Variants in S100A12 observed in about 807,000 individuals in gnomAD.
S100A12 encodes the protein protein S100-A12.
Under a neutral mutation model 4.0 loss-of-function variants are expected in S100A12, and 3 were observed. That is an observed-to-expected ratio of 0.75 (90% CI 0.34 to 1.94). S100A12 has a LOEUF of 1.94. Among genes scored for constraint, S100A12 ranks in the 30% most tolerant of loss-of-function variants. The pLI, the probability that S100A12 is intolerant of heterozygous loss-of-function variation, is 0.07. For synonymous variants in S100A12, 50 were observed against 41.4 expected, an observed-to-expected ratio of 1.21 and a Z score of -0.79; for missense variants, 122 against 107.0, an observed-to-expected ratio of 1.14 and a Z score of -0.62.
At position 153,373,934 on chromosome 1, in the gene S100A12, A is replaced by C; in HGVS notation, c.172T>G (p.Phe58Val). Residue 58 changes from phenylalanine to valine, a missense_variant, in exon 3 of 3, where the codon TTC becomes GTC. Physicochemically the swap from Phe to Val is conservative, Grantham distance 50 (BLOSUM62 -1). Transcript: ENST00000368737. ...IKDKAVIDEI[F>V]QGLDANQDEQ... ...TCTTGATTAGCATCCAGGCCTTGGA[A>C]TATTTCATCAATGACAGCTTTATCT... 6.2e-7 allele frequency: 1 copy of C among 1,613,654 alleles called. No individual in the cohort carries two copies. The highest frequency in any genetic ancestry group is 1.1e-5 in the South Asian group (1 of 91,072).
At chr1:153,374,235 G>T (rs1226762250) in intron 2 of S100A12, among the ~76,000 whole-genome samples, 1 of 152,146 alleles carries the variant, frequency 6.6e-6, no homozygotes, top group Non-Finnish European at 1.5e-5. Flanking sequence ...TTACATATGA[G>T]GAAACAGACT....
Position 153,374,542 on chromosome 1 carries a change from T to C in S100A12, c.51A>G (p.Gln17=), listed in dbSNP as rs1333916494. The change falls in exon 2 of 3, where the codon CAA becomes CAG. Residue 17 remains glutamine (Q), a synonymous_variant. Coordinates refer to ENST00000368737, the MANE Select transcript of S100A12 (RefSeq NM_005621.2). ...CAAAATGCCCCTTCCGAACTGAGTA[T>C]TGGTGGAAGATATTGACAATTCCCT... ...HLEGIVNIFH[Q]YSVRKGHFDT... 5 of 1,613,750 alleles carry C rather than the reference T, an allele frequency of 3.1e-6. No homozygotes were observed. Among genetic ancestry groups the C allele is most frequent in the Non-Finnish European group, 4.2e-6 (5 of 1,179,616 alleles).
At chr1:153,375,435 GA>G (rs1661713264) in intron 1 of S100A12, 116 bp downstream of exon 1, 2 of 152,378 alleles carry the variant, frequency 1.3e-5, no homozygotes, top group South Asian at 4.1e-4. Flanking sequence ...TATCACCCCA[GA>G]GGTGCTCAGG....
At position 153,374,702 on chromosome 1, in the gene S100A12, G is replaced by GA. The variant is rs1017861716; in HGVS notation, c.-20-91dup. On this transcript the variant is annotated intron_variant, in intron 1 of 2. Coordinates refer to ENST00000368737, the MANE Select transcript of S100A12 (RefSeq NM_005621.2). ...TCTCTTTCTGAATCAAGGGCCTAAA[G>GA]AAAACATAACATCCTCCATATCTAT... The GA allele has an allele frequency of 2.6e-5, 22 of 843,514 alleles. No homozygotes were observed. In the African/African-American group the frequency reaches 3.1e-4, roughly 12 times the overall value. The allele number at this position is 843,514 out of a possible 1,614,324, so 52.3% of individuals were successfully genotyped here.
At chr1:153,374,858 A>G (rs1661692039) in intron 1 of S100A12, among the ~76,000 whole-genome samples, 1 of 152,062 alleles carries the variant, frequency 6.6e-6, no homozygotes, top group African/African-American at 2.4e-5. Context: ...ATACCACCTC[A>G]TCCACCGGGG....
At chr1:153,374,022 T>C (rs929631267) in intron 2 of S100A12, 55 bp from the exon 3 acceptor site, 15 of 1,549,730 alleles carry the variant, frequency 9.7e-6, no homozygotes, top group Admixed American at 1.7e-5. Context: ...ACAAGACCCT[T>C]TCTTAGGCCT....
intron 1 of S100A12, 58 bp from the exon 2 acceptor site, chr1:153,374,670 T>C: frequency 8.8e-7 from 1 of 1,132,920 alleles, no homozygotes; most frequent in South Asian, 1.4e-5. Context: ...CAACCTCCAC[T>C]CTCCCCTCTC....
In S100A12 at chr1:153,374,049, C is replaced by A. The variant is rs2233864; in HGVS notation, c.139-82G>T. The A allele has an allele frequency of 2.9e-6, 4 of 1,377,426 alleles. No homozygotes were observed. The Admixed American group carries it at 5.0e-5, about 17-fold the overall frequency. 85.3% of individuals were successfully genotyped at this position (1,377,426 alleles called of 1,614,324 possible). A position where few individuals can be genotyped will look rare whatever the true frequency, so the allele number is the denominator to read the frequency against. On this transcript the variant is annotated intron_variant, in intron 2 of 2. Coordinates refer to ENST00000368737, the MANE Select transcript of S100A12 (RefSeq NM_005621.2). ...CTTAGGCCTCTTATCCCTCAGAGCT[C>A]GGGTTGTGAAGGCCCAGGCACATTA...
rs201246728 is a variant in S100A12 at position 153,374,405 on chromosome 1, C to T, written c.138+50G>A. ...ATCCTCTGCCAGGCCTTGCCACTCC[C>T]CTCAGTGCAGGGTCATGGGCAAGTT... On this transcript the variant is annotated intron_variant, in intron 2 of 2. Coordinates refer to ENST00000368737, the MANE Select transcript of S100A12 (RefSeq NM_005621.2). 9.4e-4 allele frequency: 1,477 copies of T among 1,571,560 alleles called. 2 individuals carry two copies. Among genetic ancestry groups the T allele is most frequent in the Non-Finnish European group, 1.2e-3 (1,333 of 1,157,242 alleles).
chr1:153,373,779 A>G lies in S100A12; in HGVS notation c.*48T>C, dbSNP rs1366903232. The G allele has an allele frequency of 5.2e-6, 8 of 1,539,978 alleles. No individual in the cohort carries two copies. Among genetic ancestry groups the G allele is most frequent in the Non-Finnish European group, 7.2e-6 (8 of 1,116,204 alleles). On this transcript the variant is annotated 3_prime_UTR_variant, in exon 3 of 3. Transcript: ENST00000368737. ...GCTGGGTTTTGGTGAGGGAAAGAAA[A>G]GACCCTCATTGAGGACATTGCTGGG... is the stretch of plus-strand genomic sequence containing the variant.
Position 153,373,734 on chromosome 1 carries a change from T to C in S100A12, c.*93A>G. The C allele has an allele frequency of 1.8e-6, 2 of 1,086,110 alleles. No homozygotes were observed. The highest frequency in any genetic ancestry group is 2.8e-6 in the Non-Finnish European group (2 of 721,906). 67.3% of individuals were successfully genotyped at this position (1,086,110 alleles called of 1,614,324 possible). ...ACTTTTCGTGAGTGTGTTTATTAAC[T>C]CTTACTCCCCACGGGCAAGGCTGGG... On this transcript the variant is annotated 3_prime_UTR_variant, in exon 3 of 3. Coordinates refer to ENST00000368737, the MANE Select transcript of S100A12 (RefSeq NM_005621.2).
chr1:153,374,240 C>T (rs576820745), intron 2 of S100A12, among the ~76,000 whole-genome samples: 1 of 152,180 alleles, frequency 6.6e-6, no homozygotes, highest in Non-Finnish European at 1.5e-5. Flanking sequence ...TATGAGGAAA[C>T]AGACTCAGAG....
At position 153,373,944 on chromosome 1, in the gene S100A12, A is replaced by G. The variant is rs1415512622; in HGVS notation, c.162T>C (p.Ile54=). The change falls in exon 3 of 3, where the codon ATT becomes ATC. Residue 54 remains isoleucine (I), a synonymous_variant. Transcript: ENST00000368737. ...TIKNIKDKAV[I]DEIFQGLDAN... ...CATCCAGGCCTTGGAATATTTCATCAATGACAGCTTTATCTTTGATATTCT... is the reference window on the plus strand; with the variant it reads ...CATCCAGGCCTTGGAATATTTCATCGATGACAGCTTTATCTTTGATATTCT... The G allele has an allele frequency of 1.9e-6, 3 of 1,613,696 alleles. No homozygotes were observed. Among genetic ancestry groups the G allele is most frequent in the African/African-American group, 2.7e-5 (2 of 74,902 alleles).
chr1:153,375,338 G>A (rs573567770), intron 1 of S100A12, among the ~76,000 whole-genome samples: 11 of 152,190 alleles, frequency 7.2e-5, no homozygotes, highest in South Asian at 2.1e-4. Context: ...GTGAGCCACC[G>A]TACCCGGCCT....
chr1:153,374,464 G>T lies in S100A12; in HGVS notation c.129C>A (p.Asn43Lys). ...GAGGGGCATCACCTACCTTGATGGTGTTTGCAAGCTCCTTTGTAAGCAGCT... is the reference window on the plus strand; with the variant it reads ...GAGGGGCATCACCTACCTTGATGGTTTTTGCAAGCTCCTTTGTAAGCAGCT... ...LKQLLTKELA[N>K]TIKNIKDKAV... is the part of the protein sequence containing the mutation. Residue 43 changes from asparagine (N) to lysine (K), a missense_variant, in exon 2 of 3, where the codon AAC (asparagine) becomes AAA (lysine). Transcript: ENST00000368737. 5 of 1,613,488 alleles carry T rather than the reference G, an allele frequency of 3.1e-6. No individual in the cohort carries two copies. The highest frequency in any genetic ancestry group is 4.2e-6 in the Non-Finnish European group (5 of 1,179,696).
intron 1 of S100A12, 111 bp from the exon 2 acceptor site, chr1:153,374,723 T>C (rs777392267): frequency 2.8e-6 from 2 of 725,032 alleles, no homozygotes; most frequent in Non-Finnish European, 4.7e-6. Flanking sequence ...ATCCTCCATA[T>C]CTATTTTGTG....
chr1:153,374,650 C>G, intron 1 of S100A12, 38 bp from the exon 2 acceptor site: 1 of 1,456,024 alleles, frequency 6.9e-7, no homozygotes, highest in Non-Finnish European at 9.5e-7. Flanking sequence ...GCAGTTTCTC[C>G]CCCACCCCTC....
intron 2 of S100A12, 38 bp from the exon 3 acceptor site, chr1:153,374,005 C>T: frequency 1.2e-6 from 2 of 1,605,680 alleles, no homozygotes; most frequent in African/African-American, 1.3e-5. Context: ...GAGTTCAGAA[C>T]CTCCACACAA....
intron 2 of S100A12, 26 bp downstream of exon 2, chr1:153,374,429 T>C: frequency 6.2e-7 from 1 of 1,604,100 alleles, no homozygotes; most frequent in Non-Finnish European, 8.5e-7. Context: ...CATGGGCAAG[T>C]TTGCAGTGAG....
Sources: gnomAD v4.1 joint callset for allele counts (sites outside exome capture counted in the v4.1 genomes callset) on GRCh38, gnomAD v4.1.1 for gene constraint, MANE v1.5 for transcripts, NCBI Gene and HGNC (gene_info 2026-07-23, HGNC 2026-07-21) for gene names.